Variants in SLC39A10 observed in about 807,000 individuals in gnomAD.
SLC39A10 encodes zinc transporter ZIP10.
Under a neutral mutation model 65.1 loss-of-function variants are expected in SLC39A10, and 13 were observed. The ratio of observed to expected loss-of-function variants is 0.20; its 90% CI spans 0.13 to 0.32. SLC39A10 has a LOEUF of 0.32. SLC39A10 is among the 10% of genes least tolerant of loss of function. SLC39A10 has a pLI of 1.00. For synonymous variants in SLC39A10, 321 were observed against 342.2 expected (o/e 0.94, Z 0.68); for missense variants, 831 against 1,018.4 (o/e 0.82, Z 2.50).
At chr2:195,689,627 A>G (rs540072641) in intron 3 of SLC39A10, among the ~76,000 whole-genome samples, 34 of 152,180 alleles carry the variant, frequency 2.2e-4, no homozygotes, top group Admixed American at 5.9e-4. Flanking sequence ...ATACATTCAT[A>G]ATGTTACACA....
At chr2:195,704,695 G>A (rs1351105144) in intron 3 of SLC39A10, among the ~76,000 whole-genome samples, 1 of 152,068 alleles carries the variant, frequency 6.6e-6, no homozygotes, top group Non-Finnish European at 1.5e-5. Flanking sequence ...TTTCTTTCTA[G>A]AATAAGGTTT....
intron 8 of SLC39A10, among the ~76,000 whole-genome samples, chr2:195,719,091 A>C (rs1449665456): frequency 6.6e-6 from 1 of 151,870 alleles, no homozygotes; most frequent in African/African-American, 2.4e-5. Flanking sequence ...GTTTATTGAT[A>C]CACTTTCAAC....
intron 1 of SLC39A10, among the ~76,000 whole-genome samples, chr2:195,675,959 A>G (rs1334503374): frequency 6.6e-6 from 1 of 151,988 alleles, no homozygotes; most frequent in Non-Finnish European, 1.5e-5. Flanking sequence ...TTTGCCTGTT[A>G]CTGTCTTAGA....
In SLC39A10 at chr2:195,635,708, C is replaced by CCCT. The variant is rs375322395; in HGVS notation, c.-12+29475_-12+29476insCCT. Among the ~76,000 whole-genome samples the CCCT allele has an allele frequency of 6.3e-5, 9 of 141,832 alleles. No homozygotes were observed. The East Asian group carries it at 8.3e-4, about 13-fold the overall frequency. The allele number at this position is 141,832 out of a possible 152,430, so 93.0% of individuals were successfully genotyped here. A position where few individuals can be genotyped will look rare whatever the true frequency, so the allele number is the denominator to read the frequency against. On this transcript the variant is annotated intron_variant, in intron 2 of 2. Transcript: ENST00000458054. The stretch of plus-strand genomic sequence containing the variant: ...TGCTTTTTTTGTGGAACCCCCCCCA[C>CCCT]TTTTTTTTTTTTTTACTTGAAAGAC...
At chr2:195,685,505 C>A (rs539920431) in intron 3 of SLC39A10, among the ~76,000 whole-genome samples, 2 of 152,232 alleles carry the variant, frequency 1.3e-5, no homozygotes, top group East Asian at 3.9e-4. Context: ...TAACGCTCAT[C>A]ATTCATTTCT....
intron 3 of SLC39A10, among the ~76,000 whole-genome samples, chr2:195,705,504 G>A (rs1482934422): frequency 6.6e-6 from 1 of 152,052 alleles, no homozygotes; most frequent in Non-Finnish European, 1.5e-5. Context: ...GCCTTTAGTG[G>A]GACAGTTAGT....
Position 195,735,627 on chromosome 2 carries a change from C to A in SLC39A10, c.*586C>A, listed in dbSNP as rs1692566719. The stretch of plus-strand genomic sequence containing the variant: ...GCCCTTATTCTTGAATCTAGAGTTA[C>A]TATTTTTGTATATATTTGCATAGTG... On this transcript the variant is annotated 3_prime_UTR_variant, in exon 10 of 10. Coordinates refer to ENST00000359634, the MANE Select transcript of SLC39A10 (RefSeq NM_020342.3). 1.3e-5 allele frequency: 2 copies of A among 152,470 alleles called. No homozygotes were observed. The highest frequency in any genetic ancestry group is 4.8e-5 in the African/African-American group (2 of 41,390). 9.4% of individuals were successfully genotyped at this position (152,470 alleles called of 1,614,324 possible).
intron 2 of SLC39A10, among the ~76,000 whole-genome samples, chr2:195,683,097 G>A (rs888029363): frequency 5.9e-5 from 9 of 151,296 alleles, no homozygotes; most frequent in Non-Finnish European, 8.9e-5. Flanking sequence ...TTTGTTTTCT[G>A]CGTTGTTTTG....
At chr2:195,640,494 GT>G (rs201180660) in intron 2 of SLC39A10, among the ~76,000 whole-genome samples, 2 of 151,506 alleles carry the variant, frequency 1.3e-5, no homozygotes, top group Admixed American at 6.6e-5. Flanking sequence ...GCATACACTA[GT>G]TTTTTTTTAA....
chr2:195,653,925 G>A (rs559275791), upstream of SLC39A10, among the ~76,000 whole-genome samples: 6 of 152,174 alleles, frequency 3.9e-5, no homozygotes, highest in Non-Finnish European at 7.4e-5. Flanking sequence ...AGAATTAGTC[G>A]TGTTCTTTTT....
rs750270068 is a variant in SLC39A10, at chr2:195,713,515, C to T, written c.1658C>T (p.Thr553Ile). 3 of 1,581,096 alleles carry T rather than the reference C, an allele frequency of 1.9e-6. No individual in the cohort carries two copies. Among genetic ancestry groups the T allele is most frequent in the Admixed American group, 2.0e-5 (1 of 50,748 alleles). The change falls in exon 6 of 10, where the codon ACA (threonine) becomes ATA (isoleucine). Residue 553 changes from threonine (T) to isoleucine (I), a missense_variant. By Grantham distance (89) the Thr-to-Ile change is moderately conservative. Around this residue, in one of 4 missense-constraint regions of SLC39A10, gnomAD observed 230 missense variants for 242.9 expected, o/e 0.95. Transcript: ENST00000359634. ...CTTTCAGATCACAAGTTAAACAATA[C>T]ACCAGATTCTGACTGGCTTCAACTC... ...RKLSDHKLNN[T>I]PDSDWLQLKP... is the part of the protein sequence containing the mutation.
intron 2 of SLC39A10, among the ~76,000 whole-genome samples, chr2:195,648,965 C>G (rs939492938): frequency 6.6e-6 from 1 of 152,046 alleles, no homozygotes; most frequent in Admixed American, 6.6e-5. Context: ...AAGCAACTGT[C>G]GTTGTAATTA....
chr2:195,652,842 A>G (rs1689068951), upstream of SLC39A10, among the ~76,000 whole-genome samples: 1 of 152,172 alleles, frequency 6.6e-6, no homozygotes, highest in African/African-American at 2.4e-5. Flanking sequence ...TCAGGCAGTG[A>G]GCATTACTGC....
intron 3 of SLC39A10, among the ~76,000 whole-genome samples, chr2:195,694,999 A>C (rs560129664): frequency 1.3e-5 from 2 of 152,128 alleles, no homozygotes; most frequent in African/African-American, 4.8e-5. Context: ...AGTCCCTGCT[A>C]AAGTGCTTCT....
At chr2:195,705,104 C>T (rs536260760) in intron 3 of SLC39A10, among the ~76,000 whole-genome samples, 6 of 152,264 alleles carry the variant, frequency 3.9e-5, no homozygotes, top group Non-Finnish European at 7.4e-5. Context: ...CCGCAATCCT[C>T]CTCATCCTTT....
At chr2:195,618,367 A>AAAAGAG (rs1553490807) in intron 2 of SLC39A10, among the ~76,000 whole-genome samples, 180 of 152,002 alleles carry the variant, frequency 1.2e-3, no homozygotes, top group African/African-American at 3.8e-3. Context: ...AAAAAAAAAA[A>AAAAGAG]AGAGAGAGAA....
intron 3 of SLC39A10, among the ~76,000 whole-genome samples, chr2:195,697,387 T>A (rs1292922387): frequency 2.0e-5 from 3 of 152,226 alleles, no homozygotes; most frequent in African/African-American, 7.2e-5. Flanking sequence ...CATTTATTTG[T>A]CTTCTTTAAT....
At chr2:195,660,352 C>T (rs932331800) in intron 1 of SLC39A10, among the ~76,000 whole-genome samples, 3 of 152,094 alleles carry the variant, frequency 2.0e-5, no homozygotes, top group Non-Finnish European at 2.9e-5. Flanking sequence ...ATCAAAACAA[C>T]TAGTTTTTTC....
intron 1 of SLC39A10, among the ~76,000 whole-genome samples, chr2:195,669,898 C>T (rs1387980263): frequency 1.3e-5 from 2 of 152,170 alleles, no homozygotes; most frequent in Non-Finnish European, 2.9e-5. Context: ...CTGTGACTCA[C>T]ACCTGTAATC....
Sources: allele counts gnomAD v4.1 joint callset (sites outside exome capture counted in the v4.1 genomes callset), GRCh38; gene constraint gnomAD v4.1.1; regional missense constraint gnomAD v4.1.1; transcripts MANE v1.5; gene names NCBI Gene and HGNC (gene_info 2026-07-23, HGNC 2026-07-21).